The following GMDS variants were observed in gnomAD, a reference collection of about 807,000 sequenced individuals.
GMDS encodes GDP-mannose 4,6-dehydratase.
Under a neutral mutation model 49.9 loss-of-function variants are expected in GMDS, and 20 were observed. That is an observed-to-expected ratio of 0.40 (90% CI 0.28 to 0.58). The LOEUF is 0.58. GMDS is among the 20% of genes least tolerant of loss of function. The pLI is 0.42. For missense variants in GMDS, 362 were observed against 481.4 expected, an observed-to-expected ratio of 0.75 and a Z score of 2.32; for synonymous variants, 177 against 178.6, an observed-to-expected ratio of 0.99 and a Z score of 0.07.
chr6:2,021,419 G>T (rs1048108448), intron 4 of GMDS, among the ~76,000 whole-genome samples: 1 of 152,064 alleles, frequency 6.6e-6, no homozygotes, highest in Non-Finnish European at 1.5e-5. Flanking sequence ...TAAGATAGTC[G>T]ATTAACAGAC....
chr6:1,647,711 C>T lies in GMDS; in HGVS notation c.988-23171G>A, dbSNP rs116760058. Among the ~76,000 whole-genome samples, 606 of 152,222 alleles carry T rather than the reference C, an allele frequency of 4.0e-3. 4 individuals are homozygous for T. The highest frequency in any genetic ancestry group is 0.014 in the African/African-American group (562 of 41,510). On this transcript the variant is annotated intron_variant, in intron 9 of 10. Coordinates refer to ENST00000380815, the MANE Select transcript of GMDS (RefSeq NM_001500.4). ...TGTGAGTCCTCACTCTTGTGTGGAA[C>T]GGAATGCTCTGGAGAGAAGGAGTCA...
intron 9 of GMDS, among the ~76,000 whole-genome samples, chr6:1,696,799 AG>A (rs1259729448): frequency 6.6e-6 from 1 of 152,218 alleles, no homozygotes; most frequent in Non-Finnish European, 1.5e-5. Context: ...TCTCCAACAG[AG>A]GAAGGGACGT....
At chr6:1,906,582 T>C (rs927079671) in intron 7 of GMDS, among the ~76,000 whole-genome samples, 27 of 152,206 alleles carry the variant, frequency 1.8e-4, no homozygotes, top group African/African-American at 5.8e-4. Flanking sequence ...CACATCTCTA[T>C]GATACTCTAG....
At chr6:2,190,549 C>T (rs187513957) in intron 1 of GMDS, among the ~76,000 whole-genome samples, 1 of 152,308 alleles carries the variant, frequency 6.6e-6, no homozygotes, top group Non-Finnish European at 1.5e-5. Flanking sequence ...AGTGTCCTCT[C>T]GGACAGGACC....
chr6:1,809,219 G>A (rs1770310071), intron 7 of GMDS, among the ~76,000 whole-genome samples: 1 of 152,140 alleles, frequency 6.6e-6, no homozygotes, highest in African/African-American at 2.4e-5. Flanking sequence ...TGGTTGGTCA[G>A]AATCCAATCA....
intron 9 of GMDS, among the ~76,000 whole-genome samples, chr6:1,703,117 G>A (rs941957310): frequency 6.6e-6 from 1 of 152,158 alleles, no homozygotes; most frequent in Non-Finnish European, 1.5e-5. Context: ...CATGCAGTGG[G>A]TTCCTTGGTG....
chr6:1,973,851 G>A (rs1231283522), intron 4 of GMDS, among the ~76,000 whole-genome samples: 3 of 152,200 alleles, frequency 2.0e-5, no homozygotes, highest in South Asian at 4.2e-4. Context: ...TGACTGAGAC[G>A]CCACAACATG....
chr6:1,703,233 T>C (rs1192243082), intron 9 of GMDS, among the ~76,000 whole-genome samples: 1 of 152,106 alleles, frequency 6.6e-6, no homozygotes, highest in Non-Finnish European at 1.5e-5. Flanking sequence ...GCTCACTTTG[T>C]TCTCTCTCTC....
intron 4 of GMDS, among the ~76,000 whole-genome samples, chr6:2,054,301 T>G (rs1336045993): frequency 6.6e-6 from 1 of 152,008 alleles, no homozygotes; most frequent in Non-Finnish European, 1.5e-5. Flanking sequence ...CTATAAACCA[T>G]GAATGACATC....
chr6:1,655,776 A>G (rs1763859433), intron 9 of GMDS, among the ~76,000 whole-genome samples: 1 of 152,188 alleles, frequency 6.6e-6, no homozygotes, highest in Non-Finnish European at 1.5e-5. Context: ...AAGTGCTGGG[A>G]TTACAGGTGT....
At position 1,960,025 on chromosome 6, in the gene GMDS, C is replaced by A; in HGVS notation, c.539-54G>T. On this transcript the variant is annotated intron_variant, in intron 5 of 10. Coordinates refer to ENST00000380815, the MANE Select transcript of GMDS (RefSeq NM_001500.4). ...AAGTTTGTTGTAAAAGACAGTGATTCTCACCATCTTCAACAGTAACATCTT... is the reference window on the plus strand; with the variant it reads ...AAGTTTGTTGTAAAAGACAGTGATTATCACCATCTTCAACAGTAACATCTT... The A allele has an allele frequency of 2.9e-6, 3 of 1,017,144 alleles. No individual in the cohort carries two copies. The South Asian group carries it at 4.3e-5, about 15-fold the overall frequency. The allele number at this position is 1,017,144 out of a possible 1,614,324, so 63.0% of individuals were successfully genotyped here. A position where few individuals can be genotyped will look rare whatever the true frequency, so the allele number is the denominator to read the frequency against.
At chr6:2,181,323 A>G (rs1299273471) in intron 1 of GMDS, among the ~76,000 whole-genome samples, 1 of 152,148 alleles carries the variant, frequency 6.6e-6, no homozygotes, top group East Asian at 1.9e-4. Flanking sequence ...TCTCTGCTCG[A>G]CAGATGGCAT....
Position 1,833,240 on chromosome 6 carries a change from G to A in GMDS, c.772-90654C>T, listed in dbSNP as rs947206639. On this transcript the variant is annotated intron_variant, in intron 7 of 10. Transcript: ENST00000380815. The surrounding 1 kb of genome is among the most constrained non-coding windows in gnomAD (Gnocchi z 4.4). ...ATTGGCCAAATGTCGTCTCCCGCTG[G>A]GCTTCAATGCCAAAACTACACGTGT... Among the ~76,000 whole-genome samples the A allele has an allele frequency of 2.6e-5, 4 of 151,566 alleles. No individual in the cohort carries two copies. The highest frequency in any genetic ancestry group is 3.9e-4 in the East Asian group (2 of 5,154).
At chr6:1,762,924 A>G (rs893251224) in intron 7 of GMDS, among the ~76,000 whole-genome samples, 7 of 152,232 alleles carry the variant, frequency 4.6e-5, no homozygotes, top group African/African-American at 1.4e-4. Flanking sequence ...AAGAATAGCA[A>G]TTGAATGTTT....
intron 4 of GMDS, among the ~76,000 whole-genome samples, chr6:2,090,335 T>C (rs1773246252): frequency 6.6e-6 from 1 of 152,188 alleles, no homozygotes; most frequent in African/African-American, 2.4e-5. Context: ...AAGAAATTCC[T>C]ATACTTCGGA....
intron 7 of GMDS, among the ~76,000 whole-genome samples, chr6:1,849,459 G>C (rs1228070388): frequency 6.6e-6 from 1 of 152,136 alleles, no homozygotes; most frequent in Non-Finnish European, 1.5e-5. Flanking sequence ...CTTTCTTAAA[G>C]GAGGTGACAA....
intron 9 of GMDS, among the ~76,000 whole-genome samples, chr6:1,645,363 C>T (rs551323066): frequency 6.6e-6 from 1 of 152,308 alleles, no homozygotes; most frequent in Non-Finnish European, 1.5e-5. Context: ...CTTCCTGCAC[C>T]CATCAGCGCT....
At position 2,098,095 on chromosome 6, in the gene GMDS, G is replaced by A. The variant is rs141855072; in HGVS notation, c.345+17676C>T. On this transcript the variant is annotated intron_variant, in intron 4 of 10. Coordinates refer to ENST00000380815, the MANE Select transcript of GMDS (RefSeq NM_001500.4). ...TTTTTTGAGACGAAATCTCTTTATC[G>A]CCCAGGCTGGTGTGCAGTGGCACGA... Among the ~76,000 whole-genome samples, 1,336 of 151,200 alleles carry A rather than the reference G, an allele frequency of 8.8e-3. 20 individuals are homozygous for A. The highest frequency in any genetic ancestry group is 0.031 in the African/African-American group (1,278 of 41,162).
Position 1,635,727 on chromosome 6 carries a change from T to C in GMDS, c.988-11187A>G, listed in dbSNP as rs1158960382. 5.3e-5 allele frequency among the ~76,000 whole-genome samples: 8 copies of C among 152,272 alleles called. No individual in the cohort carries two copies. Among genetic ancestry groups the C allele is most frequent in the East Asian group, 3.9e-4 (2 of 5,180 alleles). The stretch of plus-strand genomic sequence containing the variant: ...AGAGCCTGGTTCATACTCTGCCAAC[T>C]TGCCTAAAATGATACTGCGGTGGAT... On this transcript the variant is annotated intron_variant, in intron 9 of 10. Transcript: ENST00000380815. This position sits in a 1 kb window ranked among gnomAD's most constrained non-coding sequence, Gnocchi z 4.7.
Sources: gnomAD v4.1 joint callset for allele counts (sites outside exome capture counted in the v4.1 genomes callset) on GRCh38, gnomAD v4.1.1 for gene constraint, Gnocchi (gnomAD v3.1) non-coding constraint, MANE v1.5 for transcripts, NCBI Gene and HGNC (gene_info 2026-07-23, HGNC 2026-07-21) for gene names.